Variants in ZNF516 observed in about 807,000 individuals in gnomAD.
ZNF516 encodes zinc finger protein 516.
A neutral mutation model predicts 79.7 loss-of-function variants in ZNF516; 19 were observed. The observed-to-expected ratio is 0.24, with a 90% CI of 0.17 to 0.35. ZNF516 has a LOEUF of 0.35. Among genes scored for constraint, ZNF516 ranks in the 10% least tolerant of loss-of-function variants. ZNF516 has a pLI of 1.00. For missense variants in ZNF516, 1,678 were observed against 1,679.5 expected (o/e 1.00, Z 0.02); for synonymous variants, 877 against 739.5 (o/e 1.19, Z -3.02).
chr18:76,417,680 AGC>A (rs1338372899), intron 3 of ZNF516, among the ~76,000 whole-genome samples: 2 of 152,252 alleles, frequency 1.3e-5, no homozygotes, highest in African/African-American at 4.8e-5. Context: ...TTAACTTGGT[AGC>A]TTTCAATTAG....
chr18:76,396,903 A>G (rs910596538), intron 3 of ZNF516, among the ~76,000 whole-genome samples: 1 of 152,228 alleles, frequency 6.6e-6, no homozygotes, highest in Non-Finnish European at 1.5e-5. Flanking sequence ...TTTTCCATGA[A>G]AAAACAAGAC....
rs372340335 is a variant in ZNF516 at position 76,371,435 on chromosome 18, C to G, written c.3364+32G>C. 13 of 1,581,708 alleles carry G rather than the reference C, an allele frequency of 8.2e-6. No homozygotes were observed. In the African/African-American group the frequency reaches 1.5e-4, roughly 18 times the overall value. On this transcript the variant is annotated intron_variant, in intron 5 of 6. Coordinates refer to ENST00000443185, the MANE Select transcript of ZNF516 (RefSeq NM_014643.4). ...AGAAGAGACCCCTCTTCCTCTGCTC[C>G]CCTTGGGGATAGCTGGGCGGGAGGG...
chr18:76,373,712 C>G (rs1437412714), intron 4 of ZNF516, among the ~76,000 whole-genome samples: 1 of 152,168 alleles, frequency 6.6e-6, no homozygotes, highest in Admixed American at 6.5e-5. Flanking sequence ...TGCATGAGCA[C>G]GCGTGCACAC....
chr18:76,459,290 T>C lies in ZNF516; in HGVS notation c.-158+3738A>G, dbSNP rs1289896921. Among the ~76,000 whole-genome samples the C allele has an allele frequency of 2.6e-5, 4 of 152,186 alleles. No homozygotes were observed. The highest frequency in any genetic ancestry group is 9.6e-5 in the African/African-American group (4 of 41,452). On this transcript the variant is annotated intron_variant, in intron 2 of 6. Transcript: ENST00000443185. The surrounding 1 kb of genome is among the most constrained non-coding windows in gnomAD (Gnocchi z 5.0). ...ACTGCTGGAGGCACACTGGACCCAG[T>C]GCCAGCTCGGGAAATCCTGGGCCGG...
At chr18:76,372,739 T>G (rs1010030306) in intron 4 of ZNF516, 1 of 152,236 alleles carries the variant, frequency 6.6e-6, no homozygotes, top group Non-Finnish European at 1.5e-5. Context: ...AAATTTCTTA[T>G]ATGACAGATC....
intron 3 of ZNF516, among the ~76,000 whole-genome samples, chr18:76,410,302 T>A (rs1356035514): frequency 6.6e-6 from 1 of 152,222 alleles, no homozygotes; most frequent in Non-Finnish European, 1.5e-5. Context: ...AGCTTCTTGA[T>A]AGAGCTTCCT....
chr18:76,457,138 A>G (rs915824798), intron 2 of ZNF516, among the ~76,000 whole-genome samples: 4 of 152,260 alleles, frequency 2.6e-5, no homozygotes, highest in Non-Finnish European at 5.9e-5. Context: ...GTGTAGGTAT[A>G]TGTTTATTAC....
At position 76,459,396 on chromosome 18, in the gene ZNF516, G is replaced by A. The variant is rs189838423; in HGVS notation, c.-158+3632C>T. Among the ~76,000 whole-genome samples the A allele has an allele frequency of 1.4e-4, 21 of 152,314 alleles. No homozygotes were observed. Among genetic ancestry groups the A allele is most frequent in the Admixed American group, 4.6e-4 (7 of 15,304 alleles). Reference sequence around the variant, plus strand: ...GCACCCAAGCTCTCTGAGGACAGCCGTCCTAGCTTCCTTCGTGGGAGAAAA... The same window carrying A: ...GCACCCAAGCTCTCTGAGGACAGCCATCCTAGCTTCCTTCGTGGGAGAAAA... On this transcript the variant is annotated intron_variant, in intron 2 of 6. Coordinates refer to ENST00000443185, the MANE Select transcript of ZNF516 (RefSeq NM_014643.4). This position sits in a 1 kb window ranked among gnomAD's most constrained non-coding sequence, Gnocchi z 5.0.
intron 1 of ZNF516, among the ~76,000 whole-genome samples, chr18:76,472,963 G>A (rs1913932690): frequency 6.6e-6 from 1 of 152,208 alleles, no homozygotes; most frequent in African/African-American, 2.4e-5. Flanking sequence ...AGCAATGTGG[G>A]GAGAGGGAGG....
intron 1 of ZNF516, among the ~76,000 whole-genome samples, chr18:76,471,600 AAC>A (rs1913844035): frequency 6.6e-6 from 1 of 152,150 alleles, no homozygotes; most frequent in African/African-American, 2.4e-5. Flanking sequence ...CACTGGTGGA[AAC>A]ACTCCACACA....
chr18:76,462,653 G>A (rs1018814346), intron 2 of ZNF516, among the ~76,000 whole-genome samples: 2 of 152,186 alleles, frequency 1.3e-5, no homozygotes, highest in African/African-American at 4.8e-5. Context: ...AGAAAAGAAA[G>A]TGGGTCTTAC....
chr18:76,377,458 C>A (rs555924030), intron 4 of ZNF516, among the ~76,000 whole-genome samples: 1 of 152,362 alleles, frequency 6.6e-6, no homozygotes, highest in East Asian at 1.9e-4. Flanking sequence ...GGGTGGGCAT[C>A]CCTCATGCCA....
At chr18:76,374,804 G>A (rs2074760987) in intron 4 of ZNF516, among the ~76,000 whole-genome samples, 1 of 152,172 alleles carries the variant, frequency 6.6e-6, no homozygotes, top group South Asian at 2.1e-4. Context: ...GATCTTTACA[G>A]CTGCAGACGA....
intron 3 of ZNF516, among the ~76,000 whole-genome samples, chr18:76,399,536 T>TA (rs1381590314): frequency 2.0e-5 from 3 of 152,218 alleles, no homozygotes; most frequent in African/African-American, 7.2e-5. Context: ...GCAATTGACT[T>TA]AAAGTATGTT....
intron 3 of ZNF516, among the ~76,000 whole-genome samples, chr18:76,412,123 T>C (rs2075378730): frequency 6.6e-6 from 1 of 152,156 alleles, no homozygotes; most frequent in Admixed American, 6.5e-5. Context: ...ATAGTGGCAT[T>C]GTTGCAGCTG....
rs905989800 is a variant in ZNF516, at chr18:76,490,094, C to G, written c.-272+5050G>C. The G allele has an allele frequency of 7.8e-6, 7 of 899,854 alleles. No homozygotes were observed. In the Admixed American group the frequency reaches 4.3e-4, roughly 56 times the overall value. The allele number at this position is 899,854 out of a possible 1,614,324, so 55.7% of individuals were successfully genotyped here. A position where few individuals can be genotyped will look rare whatever the true frequency, so the allele number is the denominator to read the frequency against. ...AACATTAGACATGCTTGTGCCTTAA[C>G]ACACCAAAATTCAAATTCAATTACC... On this transcript the variant is annotated intron_variant, in intron 1 of 6. Coordinates refer to ENST00000443185, the MANE Select transcript of ZNF516 (RefSeq NM_014643.4).
rs1735304065 is a variant in ZNF516, at chr18:76,441,317, A to T, written c.1738T>A (p.Ser580Thr). ...TCGTCGGCCAGGCCAGAGCCCGGGG[A>T]GTCAGCAGCGGCACAGGCGGAGCCA... ...SPGSACAAAD[S>T]PGSGLADEAA... The change falls in exon 3 of 7, where the codon TCC becomes ACC. Residue 580 changes from serine to threonine, a missense_variant. Transcript: ENST00000443185. 1 of 1,611,606 alleles carries T rather than the reference A, an allele frequency of 6.2e-7. No homozygotes were observed. Among genetic ancestry groups the T allele is most frequent in the African/African-American group, 1.3e-5 (1 of 74,874 alleles).
At chr18:76,417,048 TA>T (rs2075441500) in intron 3 of ZNF516, among the ~76,000 whole-genome samples, 2 of 152,266 alleles carry the variant, frequency 1.3e-5, no homozygotes, top group South Asian at 4.1e-4. Context: ...TATTGAGAAA[TA>T]AACAGATTTT....
At chr18:76,367,496 G>A (rs143316167) in intron 6 of ZNF516, among the ~76,000 whole-genome samples, 117 of 152,286 alleles carry the variant, frequency 7.7e-4, no homozygotes, top group African/African-American at 2.6e-3. Flanking sequence ...CCCCAGGCCC[G>A]AGCCTCTGCC....
Sources: gnomAD v4.1 joint callset for allele counts (sites outside exome capture counted in the v4.1 genomes callset) on GRCh38, gnomAD v4.1.1 for gene constraint, Gnocchi (gnomAD v3.1) non-coding constraint, MANE v1.5 for transcripts, NCBI Gene and HGNC (gene_info 2026-07-23, HGNC 2026-07-21) for gene names.